SLC22A12: variants seen among roughly 807,000 people sequenced by gnomAD.
SLC22A12 encodes organic anion transporter 4-like protein.
Under a neutral mutation model 52.7 loss-of-function variants are expected in SLC22A12, and 56 were observed. The ratio of observed to expected loss-of-function variants is 1.06; its 90% confidence interval spans 0.86 to 1.33. The LOEUF (loss-of-function observed/expected upper bound fraction) is 1.33, where lower values mean the gene tolerates loss of function less well. Ranked by LOEUF, SLC22A12 falls within the 40% of genes most tolerant of loss-of-function variation. SLC22A12 has a pLI of 0.00. For missense variants in SLC22A12, 683 were observed against 741.5 expected (o/e 0.92, Z 0.92); for synonymous variants, 337 against 324.6 (o/e 1.04, Z -0.41).
chr11:64,600,605 C>A, intron 8 of SLC22A12, 130 bp downstream of exon 8: 3 of 1,422,192 alleles, frequency 2.1e-6, no homozygotes, highest in African/African-American at 1.4e-5. Context: ...GTCCCCGGGG[C>A]TGCTCAGGTG....
chr11:64,595,363 ATGGATGG>A (rs2039124175), intron 4 of SLC22A12, among the ~76,000 whole-genome samples: 1 of 37,622 alleles, frequency 2.7e-5, no homozygotes. Context: ...GGATGGATGG[ATGGATGG>A]ATGGATGGAT....
rs1289980662 is a variant in SLC22A12 at position 64,601,631 on chromosome 11, A to G, written c.*80A>G. On this transcript the variant is annotated 3_prime_UTR_variant, in exon 10 of 10. Coordinates refer to ENST00000377574, the MANE Select transcript of SLC22A12 (RefSeq NM_144585.4). ...TGGAGAAGGCAGGAGGAAAGCAAAG[A>G]CCTCCATTTCCAGAGGCCCAGAGGC... 1.2e-5 allele frequency: 18 copies of G among 1,512,062 alleles called. No individual in the cohort carries two copies. The highest frequency in any genetic ancestry group is 1.7e-4 in the Middle Eastern group (1 of 5,886). 93.7% of individuals were successfully genotyped at this position (1,512,062 alleles called of 1,614,324 possible). A position where few individuals can be genotyped will look rare whatever the true frequency, so the allele number is the denominator to read the frequency against.
Position 64,592,826 on chromosome 11 carries a change from C to A in SLC22A12, c.450C>A (p.Ser150=). The A allele has an allele frequency of 6.2e-7, 1 of 1,613,934 alleles. No homozygotes were observed. Among genetic ancestry groups the A allele is most frequent in the Non-Finnish European group, 8.5e-7 (1 of 1,179,988 alleles). The change falls in exon 2 of 10, where the codon TCC becomes TCA. Residue 150 remains serine (S), a synonymous_variant. Transcript: ENST00000377574. Reference sequence around the variant, plus strand: ...ATGCTCTGAAGCCCATGGCCCAGTCCATCTACCTGGCTGGGATTCTGGTGG... The same window carrying A: ...ATGCTCTGAAGCCCATGGCCCAGTCAATCTACCTGGCTGGGATTCTGGTGG... ...DSHALKPMAQ[S]IYLAGILVGA... is the part of the protein sequence containing the mutation.
Position 64,591,228 on chromosome 11 carries a change from A to G in SLC22A12, c.-329A>G, listed in dbSNP as rs1442285474. 9 of 366,444 alleles carry G rather than the reference A, an allele frequency of 2.5e-5. No individual in the cohort carries two copies. Among genetic ancestry groups the G allele is most frequent in the Non-Finnish European group, 4.0e-5 (8 of 199,452 alleles). The allele number at this position is 366,444 out of a possible 1,614,324, so 22.7% of individuals were successfully genotyped here. A position where few individuals can be genotyped will look rare whatever the true frequency, so the allele number is the denominator to read the frequency against. ...GGTCACACTTTAATTCCAGTCTAAA[A>G]TTAAAGTCTTCAGTCTCCACATTCC... On this transcript the variant is annotated 5_prime_UTR_variant, in exon 1 of 10. Transcript: ENST00000377574.
rs944317801 is a variant in SLC22A12, at chr11:64,601,900, C to A, written c.*349C>A. 2.7e-5 allele frequency: 10 copies of A among 370,036 alleles called. No homozygotes were observed. Among genetic ancestry groups the A allele is most frequent in the South Asian group, 1.5e-4 (7 of 46,726 alleles). 22.9% of individuals were successfully genotyped at this position (370,036 alleles called of 1,614,324 possible). On this transcript the variant is annotated 3_prime_UTR_variant, in exon 10 of 10. Coordinates refer to ENST00000377574, the MANE Select transcript of SLC22A12 (RefSeq NM_144585.4). ...GACTCCGCACTGCCACTTGTCCCCC[C>A]ACACCCGTCCACCTGCCCAGAGCTC...
intron 7 of SLC22A12, 39 bp from the exon 8 acceptor site, chr11:64,600,328 G>GC (rs1252520509): frequency 1.3e-6 from 2 of 1,485,604 alleles, no homozygotes; most frequent in Non-Finnish European, 1.8e-6. Context: ...CTGATCTTGG[G>GC]CCCCCCACCA....
chr11:64,596,253 T>TGGATGGAATGGATGGATGGATG (rs2039222286), intron 4 of SLC22A12, among the ~76,000 whole-genome samples: 2 of 115,328 alleles, frequency 1.7e-5, no homozygotes, highest in Admixed American at 8.4e-5. Flanking sequence ...ATGGAATGGA[T>TGGATGGAATGGATGGATGGATG]GGATGGATGG....
chr11:64,592,998 C>T (rs1031819200), intron 2 of SLC22A12, 116 bp downstream of exon 2: 1 of 953,438 alleles, frequency 1.0e-6, no homozygotes, highest in Non-Finnish European at 1.6e-6. Context: ...AAGCGCCCTA[C>T]TTGCTGGGTG....
intron 7 of SLC22A12, 75 bp downstream of exon 7, chr11:64,599,965 T>C (rs1461321365): frequency 6.0e-6 from 9 of 1,500,176 alleles, no homozygotes; most frequent in African/African-American, 4.2e-5. Flanking sequence ...CACCCCTCCT[T>C]GGAGGTGCTG....
rs201136391 is a variant in SLC22A12, at chr11:64,593,652, G to C, written c.679G>C (p.Ala227Pro). The C allele has an allele frequency of 6.2e-7, 1 of 1,614,034 alleles. No homozygotes were observed. The highest frequency in any genetic ancestry group is 8.5e-7 in the Non-Finnish European group (1 of 1,180,056). The change falls in exon 4 of 10, where the codon GCA becomes CCA. Residue 227 changes from alanine (A) to proline (P), a missense_variant. By Grantham distance (27) the Ala-to-Pro change is conservative. Transcript: ENST00000377574. ...TGTLLMEWTA[A>P]RARPLVMTLN... ...CCTTGCAGTGATGGAGTGGACGGCGGCACGGGCCCGACCCTTGGTGATGAC... is the reference window on the plus strand; with the variant it reads ...CCTTGCAGTGATGGAGTGGACGGCGCCACGGGCCCGACCCTTGGTGATGAC...
intron 4 of SLC22A12, among the ~76,000 whole-genome samples, chr11:64,595,225 G>A (rs2039101208): frequency 7.5e-6 from 1 of 132,586 alleles, no homozygotes; most frequent in African/African-American, 2.9e-5. Context: ...TGGATGGATG[G>A]ATGGATGGAT....
intron 4 of SLC22A12, among the ~76,000 whole-genome samples, chr11:64,595,708 G>T (rs1307392743): frequency 1.3e-5 from 2 of 150,428 alleles, no homozygotes; most frequent in East Asian, 4.0e-4. Flanking sequence ...TAGATGGATG[G>T]ATGGATGGAT....
chr11:64,592,807 T>A lies in SLC22A12; in HGVS notation c.431T>A (p.Leu144Gln). Residue 144 changes from leucine (L) to glutamine (Q), a missense_variant, in exon 2 of 10, where the codon CTG (leucine) becomes CAG (glutamine). Transcript: ENST00000377574. ...AACCTCGTGTGTGACTCTCATGCTCTGAAGCCCATGGCCCAGTCCATCTAC... is the reference window on the plus strand; with the variant it reads ...AACCTCGTGTGTGACTCTCATGCTCAGAAGCCCATGGCCCAGTCCATCTAC... Reference protein sequence around the residue: ...KWNLVCDSHALKPMAQSIYLA... With the variant: ...KWNLVCDSHAQKPMAQSIYLA... 6.2e-7 allele frequency: 1 copy of A among 1,613,992 alleles called. No individual in the cohort carries two copies. The highest frequency in any genetic ancestry group is 8.5e-7 in the Non-Finnish European group (1 of 1,180,002).
chr11:64,596,245 G>GGTC (rs2039216764), intron 4 of SLC22A12, among the ~76,000 whole-genome samples: 2 of 62,508 alleles, frequency 3.2e-5, no homozygotes, highest in Non-Finnish European at 8.0e-5. Flanking sequence ...ATGGATGGAT[G>GGTC]GAATGGATGG....
Position 64,600,770 on chromosome 11 carries a change from G to T in SLC22A12, c.1430G>T (p.Arg477Leu), listed in dbSNP as rs773677616. The T allele has an allele frequency of 1.2e-6, 2 of 1,605,280 alleles. No individual in the cohort carries two copies. ...TAVGLGQMAA[R>L]GGAILGPLVR... ...GTGGGCTTGGGCCAGATGGCAGCCC[G>T]TGGAGGAGCCATCCTGGGGCCTCTG... The change falls in exon 9 of 10, where the codon CGT (arginine) becomes CTT (leucine). Residue 477 changes from arginine (R) to leucine (L), a missense_variant. By Grantham distance (102) the Arg-to-Leu change is moderately radical. Transcript: ENST00000377574.
At chr11:64,599,919 C>A (rs1157807979) in intron 7 of SLC22A12, 29 bp downstream of exon 7, 2 of 1,603,086 alleles carry the variant, frequency 1.2e-6, no homozygotes, top group Non-Finnish European at 8.5e-7. Flanking sequence ...ACACCAGAGA[C>A]TTCCCTACCT....
intron 4 of SLC22A12, among the ~76,000 whole-genome samples, chr11:64,597,509 G>T (rs909827856): frequency 6.6e-6 from 1 of 152,078 alleles, no homozygotes; most frequent in African/African-American, 2.4e-5. Context: ...TGGCCATGAC[G>T]CCTCTCTCTC....
At chr11:64,600,275 T>C in intron 7 of SLC22A12, 92 bp from the exon 8 acceptor site, 1 of 1,040,376 alleles carries the variant, frequency 9.6e-7, no homozygotes, top group Non-Finnish European at 1.4e-6. Context: ...CAAAGAGGCC[T>C]GAAAGTCAGG....
chr11:64,602,224 C>T lies in SLC22A12; in HGVS notation c.*673C>T, dbSNP rs1317010269. The T allele has an allele frequency of 5.9e-6, 1 of 168,202 alleles. No individual in the cohort carries two copies. Among genetic ancestry groups the T allele is most frequent in the African/African-American group, 2.4e-5 (1 of 41,680 alleles). 10.4% of individuals were successfully genotyped at this position (168,202 alleles called of 1,614,324 possible). The stretch of plus-strand genomic sequence containing the variant: ...CAGCCACAAGCCTGCCTCCTCCCAC[C>T]CTGCCAGCCTATGAGTTCCCAGAGG... On this transcript the variant is annotated 3_prime_UTR_variant, in exon 10 of 10. Coordinates refer to ENST00000377574, the MANE Select transcript of SLC22A12 (RefSeq NM_144585.4).
Sources: gnomAD v4.1 joint callset for allele counts (sites outside exome capture counted in the v4.1 genomes callset) on GRCh38, gnomAD v4.1.1 for gene constraint, MANE v1.5 for transcripts, NCBI Gene and HGNC (gene_info 2026-07-23, HGNC 2026-07-21) for gene names.